GRAP2: variants seen among roughly 807,000 people sequenced by gnomAD.
GRAP2 encodes GRB2-related adapter protein 2.
In GRAP2, 31 loss-of-function variants were observed where a neutral mutation model predicts 43.5. The ratio of observed to expected loss-of-function variants is 0.71; its 90% CI spans 0.54 to 0.96. GRAP2 has a LOEUF of 0.96. Among genes scored for constraint, GRAP2 ranks in the 40% least tolerant of loss-of-function variants. GRAP2 has a pLI of 0.00. For synonymous variants in GRAP2, 156 were observed against 164.8 expected (o/e 0.95, Z 0.41); for missense variants, 371 against 424.4 (o/e 0.87, Z 1.11).
rs867768593 is a variant in GRAP2 at position 39,968,237 on chromosome 22, C to T, written c.655C>T (p.Gln219Ter). 4.3e-6 allele frequency: 7 copies of T among 1,609,530 alleles called. No homozygotes were observed. Among genetic ancestry groups the T allele is most frequent in the Non-Finnish European group, 5.1e-6 (6 of 1,175,876 alleles). ...GCCCCAGCAGCTGCAGCAGCCCCCA[C>T]AGCAGCGATATCTGCAGCACCACCA... is the stretch of plus-strand genomic sequence containing the variant. Reference protein sequence around the residue: ...PAPQQLQQPPQQRYLQHHHFH... With the variant: ...PAPQQLQQPP Residue 219 changes from glutamine (Q) to a stop codon, truncating the protein, a stop_gained, in exon 6 of 8, where the codon CAG (glutamine) becomes TAG (stop). Coordinates refer to ENST00000344138, the MANE Select transcript of GRAP2 (RefSeq NM_004810.4). LOFTEE classifies it high-confidence loss of function.
At chr22:39,920,299 T>A (rs755363930) in intron 1 of GRAP2, among the ~76,000 whole-genome samples, 20 of 152,220 alleles carry the variant, frequency 1.3e-4, no homozygotes, top group Non-Finnish European at 1.9e-4. Flanking sequence ...CTGCTGAATG[T>A]CAGGCACTAT....
chr22:39,929,853 C>G, intron 1 of GRAP2, among the ~76,000 whole-genome samples: 1 of 152,176 alleles, frequency 6.6e-6, no homozygotes. Context: ...CTTTAATTAT[C>G]TCCTCTTTCT....
chr22:39,923,019 G>A (rs2066666774), intron 1 of GRAP2, among the ~76,000 whole-genome samples: 1 of 150,932 alleles, frequency 6.6e-6, no homozygotes, highest in Non-Finnish European at 1.5e-5. Flanking sequence ...TCCAGCCTGG[G>A]CGACAGAGTG....
At chr22:39,958,898 C>T (rs904220724) in intron 3 of GRAP2, among the ~76,000 whole-genome samples, 2 of 152,226 alleles carry the variant, frequency 1.3e-5, no homozygotes, top group Non-Finnish European at 2.9e-5. Flanking sequence ...CCTCTCAGAG[C>T]ACAGCCAAAC....
At chr22:39,939,329 G>A (rs889116089) in intron 1 of GRAP2, among the ~76,000 whole-genome samples, 8 of 152,144 alleles carry the variant, frequency 5.3e-5, no homozygotes, top group African/African-American at 9.7e-5. Flanking sequence ...TTGGGAGGCC[G>A]AGGCAGGCAG....
chr22:39,907,702 G>A (rs929697290), intron 1 of GRAP2, among the ~76,000 whole-genome samples: 13 of 152,114 alleles, frequency 8.5e-5, no homozygotes, highest in African/African-American at 2.4e-4. Flanking sequence ...TGTTCACACC[G>A]CTACACTCCA....
intron 1 of GRAP2, among the ~76,000 whole-genome samples, chr22:39,915,813 T>C (rs1569194079): frequency 6.6e-6 from 1 of 152,182 alleles, no homozygotes; most frequent in East Asian, 1.9e-4. Flanking sequence ...CTGGATGATA[T>C]GTAAAAATTC....
In GRAP2 at chr22:39,969,510, C is replaced by T. The variant is rs2067215810; in HGVS notation, c.790C>T (p.Pro264Ser). The T allele has an allele frequency of 6.2e-7, 1 of 1,613,874 alleles. No individual in the cohort carries two copies. The highest frequency in any genetic ancestry group is 8.5e-7 in the Non-Finnish European group (1 of 1,179,936). Reference sequence around the variant, plus strand: ...CCTCATGCATCGGAGACACACAGACCCAGTGCAGCTCCAGGCGGCAGGGGT... The same window carrying T: ...CCTCATGCATCGGAGACACACAGACTCAGTGCAGCTCCAGGCGGCAGGGGT... ...AALMHRRHTD[P>S]VQLQAAGRVR... The change falls in exon 7 of 8, where the codon CCA becomes TCA. Residue 264 changes from proline to serine, a missense_variant. Transcript: ENST00000344138.
chr22:39,961,198 C>T (rs966494498), intron 4 of GRAP2, among the ~76,000 whole-genome samples: 2 of 152,084 alleles, frequency 1.3e-5, no homozygotes, highest in African/African-American at 4.8e-5. Context: ...GAGTAATCCT[C>T]CTGCCTTGGC....
chr22:39,957,851 G>A (rs924592157), intron 3 of GRAP2, among the ~76,000 whole-genome samples: 2 of 152,100 alleles, frequency 1.3e-5, no homozygotes, highest in East Asian at 1.9e-4. Flanking sequence ...CAGGAGGATC[G>A]CTTGAGCCTG....
chr22:39,916,071 C>T (rs981390836), intron 1 of GRAP2, among the ~76,000 whole-genome samples: 2 of 152,198 alleles, frequency 1.3e-5, no homozygotes, highest in East Asian at 1.9e-4. Context: ...AGGGCTAACC[C>T]CCAATCCACC....
intron 3 of GRAP2, among the ~76,000 whole-genome samples, chr22:39,959,305 T>C (rs2067090960): frequency 6.6e-6 from 1 of 152,236 alleles, no homozygotes; most frequent in South Asian, 2.1e-4. Context: ...CCCTGACCAT[T>C]CTGCTAAAAG....
At chr22:39,944,295 A>G (rs894417245) in intron 1 of GRAP2, among the ~76,000 whole-genome samples, 1 of 152,206 alleles carries the variant, frequency 6.6e-6, no homozygotes, top group Non-Finnish European at 1.5e-5. Context: ...GGAATGGGAT[A>G]TACATTTCCA....
chr22:39,927,676 T>C (rs76892370), intron 1 of GRAP2, among the ~76,000 whole-genome samples: 1 of 152,262 alleles, frequency 6.6e-6, no homozygotes, highest in East Asian at 1.9e-4. Context: ...CTTTTTTTTT[T>C]CCTCTCACCC....
chr22:39,941,906 T>A (rs2066875171), intron 1 of GRAP2, among the ~76,000 whole-genome samples: 1 of 152,008 alleles, frequency 6.6e-6, no homozygotes, highest in Non-Finnish European at 1.5e-5. Flanking sequence ...CTTGAGGAGT[T>A]CAGAGGAGGG....
intron 6 of GRAP2, chr22:39,968,799 T>C (rs2067205399): frequency 1.3e-5 from 2 of 157,240 alleles, no homozygotes; most frequent in African/African-American, 2.4e-5. Context: ...CCAGAATCTA[T>C]TTCCCCAGCC....
intron 1 of GRAP2, among the ~76,000 whole-genome samples, chr22:39,931,761 C>G (rs2066757670): frequency 6.6e-6 from 1 of 152,232 alleles, no homozygotes; most frequent in South Asian, 2.1e-4. Flanking sequence ...TAGAAGATTT[C>G]TGCTTTACCA....
chr22:39,927,930 A>G (rs2066721484), intron 1 of GRAP2, among the ~76,000 whole-genome samples: 2 of 152,240 alleles, frequency 1.3e-5, no homozygotes, highest in Admixed American at 6.5e-5. Flanking sequence ...TACTATGGAT[A>G]CCACAAGTGG....
At chr22:39,911,801 C>T (rs936348192) in intron 1 of GRAP2, among the ~76,000 whole-genome samples, 3 of 152,142 alleles carry the variant, frequency 2.0e-5, no homozygotes, top group African/African-American at 7.2e-5. Context: ...GAGTGTGATC[C>T]TAGGACCAGC....
Sources: allele counts gnomAD v4.1 joint callset (sites outside exome capture counted in the v4.1 genomes callset), GRCh38; gene constraint gnomAD v4.1.1; transcripts MANE v1.5; gene names NCBI Gene and HGNC (gene_info 2026-07-23, HGNC 2026-07-21).